The following DCAF12 variants were observed in gnomAD, a reference collection of about 807,000 sequenced individuals.
DCAF12 encodes DDB1- and CUL4-associated factor 12.
DCAF12 carries 28 observed loss-of-function variants against 52.8 expected under a neutral mutation model. That is an observed-to-expected ratio of 0.53 (90% CI 0.39 to 0.73). The LOEUF (loss-of-function observed/expected upper bound fraction) is 0.73, where lower values mean the gene tolerates loss of function less well. Ranked by LOEUF, DCAF12 falls within the 30% of genes least tolerant of loss-of-function variation. The probability of loss-of-function intolerance (pLI) is 0.00; values close to 1 mark genes in which losing one functional copy is unlikely to be tolerated. For missense variants in DCAF12, 425 were observed against 552.2 expected (o/e 0.77, Z 2.31); for synonymous variants, 196 against 215.5 (o/e 0.91, Z 0.79).
rs142344955 is a variant in DCAF12, at chr9:34,100,811, AT to A, written c.602-2295del. Among the ~76,000 whole-genome samples the A allele has an allele frequency of 2.2e-4, 33 of 150,628 alleles. No homozygotes were observed. In the East Asian group the frequency reaches 5.7e-3, roughly 26 times the overall value. On this transcript the variant is annotated intron_variant, in intron 4 of 8. Transcript: ENST00000361264. Reference sequence around the variant, plus strand: ...CACCAAGCCTAGCCTTATTTTTTTAATTTTTTTTGTAGAGATGGAGTCTCGA... The same window carrying A: ...CACCAAGCCTAGCCTTATTTTTTTAATTTTTTTGTAGAGATGGAGTCTCGA...
intron 2 of DCAF12, among the ~76,000 whole-genome samples, chr9:34,120,669 CAAAA>C (rs71506167): frequency 1.7e-5 from 2 of 117,134 alleles, no homozygotes; most frequent in African/African-American, 3.1e-5. Context: ...GACGCGGTCT[CAAAA>C]AAAAAAAAAA....
chr9:34,090,225 A>T (rs866014356), intron 7 of DCAF12, among the ~76,000 whole-genome samples: 1 of 152,038 alleles, frequency 6.6e-6, no homozygotes, highest in Admixed American at 6.6e-5. Flanking sequence ...CATCACACTC[A>T]GCTAATTCTT....
intron 1 of DCAF12, chr9:34,125,705 G>A (rs113572373): frequency 7.9e-6 from 3 of 381,496 alleles, no homozygotes; most frequent in East Asian, 7.8e-5. Context: ...CTGGCTCCCA[G>A]GTCTTCCAGG....
At chr9:34,107,646 G>T (rs866735177) in intron 2 of DCAF12, 81 bp from the exon 3 acceptor site, 2 of 1,215,532 alleles carry the variant, frequency 1.6e-6, no homozygotes, top group Middle Eastern at 2.2e-4. Flanking sequence ...TTGTTCAACT[G>T]TTCATCAACA....
In DCAF12 at chr9:34,088,922, C is replaced by A. The variant is rs372578810; in HGVS notation, c.1204-414G>T. Among the ~76,000 whole-genome samples the A allele has an allele frequency of 1.1e-4, 16 of 151,766 alleles. 1 individual carries two copies. The highest frequency in any genetic ancestry group is 3.6e-4 in the African/African-American group (15 of 41,354). On this transcript the variant is annotated intron_variant, in intron 8 of 8. Transcript: ENST00000361264. Reference sequence around the variant, plus strand: ...CCCAGGAGTTTGAGACCAGCCTGGGCAACATGGCGAGACCCCATCTCTACT... The same window carrying A: ...CCCAGGAGTTTGAGACCAGCCTGGGAAACATGGCGAGACCCCATCTCTACT...
chr9:34,093,263 G>A (rs1358324376), intron 7 of DCAF12, 23 bp downstream of exon 7: 2 of 1,613,696 alleles, frequency 1.2e-6, no homozygotes, highest in Non-Finnish European at 1.7e-6. Context: ...CTGTAGGCCT[G>A]AGGTGCACAC....
chr9:34,103,202 G>A (rs1209584796), intron 4 of DCAF12, among the ~76,000 whole-genome samples: 1 of 149,926 alleles, frequency 6.7e-6, no homozygotes, highest in African/African-American at 2.5e-5. Flanking sequence ...ACGAGGTCAG[G>A]AGTTCAAGAC....
At chr9:34,125,523 A>G (rs2131445776) in intron 1 of DCAF12, 1 of 593,658 alleles carries the variant, frequency 1.7e-6, no homozygotes. Context: ...GAATGAATGC[A>G]GAATAGAACA....
At chr9:34,092,269 T>C (rs1828656834) in intron 7 of DCAF12, among the ~76,000 whole-genome samples, 1 of 152,218 alleles carries the variant, frequency 6.6e-6, no homozygotes, top group Non-Finnish European at 1.5e-5. Context: ...ATGAACATAC[T>C]CATTACCCTG....
Position 34,098,306 on chromosome 9 carries a change from C to G in DCAF12, c.795+18G>C. ...AGCAAGAGGAATACACGTCAGGGAT[C>G]CCTACACAAGTTCATACCTTGTTCT... On this transcript the variant is annotated intron_variant, in intron 5 of 8. Coordinates refer to ENST00000361264, the MANE Select transcript of DCAF12 (RefSeq NM_015397.4). The G allele has an allele frequency of 6.2e-7, 1 of 1,608,968 alleles. No individual in the cohort carries two copies. Among genetic ancestry groups the G allele is most frequent in the East Asian group, 2.2e-5 (1 of 44,800 alleles).
intron 4 of DCAF12, among the ~76,000 whole-genome samples, chr9:34,101,517 C>T (rs1400073042): frequency 1.3e-5 from 2 of 151,904 alleles, no homozygotes; most frequent in African/African-American, 2.4e-5. Flanking sequence ...CTCAGCCTTC[C>T]GAGTAGCTGG....
At chr9:34,114,219 C>G (rs1474126251) in intron 2 of DCAF12, among the ~76,000 whole-genome samples, 1 of 152,090 alleles carries the variant, frequency 6.6e-6, no homozygotes, top group Non-Finnish European at 1.5e-5. Flanking sequence ...TTAAGTGAAA[C>G]AAGCCAAGTA....
At chr9:34,094,632 A>G (rs1314915657) in intron 6 of DCAF12, among the ~76,000 whole-genome samples, 6 of 148,614 alleles carry the variant, frequency 4.0e-5, no homozygotes, top group Non-Finnish European at 5.9e-5. Flanking sequence ...CTGGGTTCAC[A>G]CCATTCTCCT....
At chr9:34,124,992 GGA>G (rs1401604799) in intron 2 of DCAF12, 29 bp downstream of exon 2, 4 of 1,610,878 alleles carry the variant, frequency 2.5e-6, no homozygotes, top group South Asian at 1.1e-5. Context: ...CCACGACCTA[GGA>G]GAGAGGTCAC....
At chr9:34,108,793 C>CAAAA (rs1234542589) in intron 2 of DCAF12, among the ~76,000 whole-genome samples, 10 of 81,282 alleles carry the variant, frequency 1.2e-4, no homozygotes, top group South Asian at 4.1e-4. Flanking sequence ...GACTTGGTCT[C>CAAAA]AAAAAAAATA....
intron 2 of DCAF12, chr9:34,109,052 G>C (rs1828955860): frequency 6.7e-6 from 1 of 148,164 alleles, no homozygotes; most frequent in Non-Finnish European, 1.5e-5. Context: ...AGTGTCTTTA[G>C]AGCTGTGATG....
intron 2 of DCAF12, among the ~76,000 whole-genome samples, chr9:34,119,393 C>T (rs1274729461): frequency 6.6e-6 from 1 of 152,080 alleles, no homozygotes; most frequent in Non-Finnish European, 1.5e-5. Flanking sequence ...AGTCTTCAAC[C>T]ACATATATAT....
chr9:34,091,918 G>C (rs938940090), intron 7 of DCAF12, among the ~76,000 whole-genome samples: 1 of 152,170 alleles, frequency 6.6e-6, no homozygotes, highest in African/African-American at 2.4e-5. Context: ...AAGTTATTTA[G>C]CTGGCTCTAG....
At chr9:34,117,210 T>G (rs2131441677) in intron 2 of DCAF12, among the ~76,000 whole-genome samples, 1 of 152,280 alleles carries the variant, frequency 6.6e-6, no homozygotes, top group Admixed American at 6.5e-5. Context: ...AAGTGACATA[T>G]TCTTATAAGC....
Sources: allele counts gnomAD v4.1 joint callset (sites outside exome capture counted in the v4.1 genomes callset), GRCh38; gene constraint gnomAD v4.1.1; transcripts MANE v1.5; gene names NCBI Gene and HGNC (gene_info 2026-07-23, HGNC 2026-07-21).